Variants in GRIA1 observed in about 807,000 individuals in gnomAD.
The protein encoded by GRIA1 is glutamate receptor 1.
In GRIA1, 31 loss-of-function variants were observed where a neutral mutation model predicts 99.2. That is an observed-to-expected ratio of 0.31 (90% CI 0.23 to 0.42). GRIA1 has a LOEUF of 0.42. Ranked by LOEUF, GRIA1 falls within the 10% of genes least tolerant of loss-of-function variation. The pLI is 1.00. For synonymous variants in GRIA1, 438 were observed against 432.4 expected (o/e 1.01, Z -0.16); for missense variants, 782 against 1,157.5 (o/e 0.68, Z 4.71).
At chr5:153,679,773 T>C (rs913487436) in intron 7 of GRIA1, among the ~76,000 whole-genome samples, 1 of 152,184 alleles carries the variant, frequency 6.6e-6, no homozygotes, top group Admixed American at 6.5e-5. Context: ...TCAGGTCACA[T>C]AGTGGGAGAG....
chr5:153,776,439 C>T (rs546548670), intron 13 of GRIA1, among the ~76,000 whole-genome samples: 1 of 152,244 alleles, frequency 6.6e-6, no homozygotes, highest in African/African-American at 2.4e-5. Context: ...TTGCTGCCAC[C>T]TCAATTTTAC....
chr5:153,697,521 C>T (rs1283331171), intron 8 of GRIA1, among the ~76,000 whole-genome samples: 2 of 152,008 alleles, frequency 1.3e-5, no homozygotes, highest in African/African-American at 2.4e-5. Flanking sequence ...TACTTGGAGA[C>T]AGAAGAAATT....
Position 153,646,999 on chromosome 5 carries a change from A to T in GRIA1, c.292A>T (p.Thr98Ser), listed in dbSNP as rs1450349487. 1 of 1,613,604 alleles carries T rather than the reference A, an allele frequency of 6.2e-7. No individual in the cohort carries two copies. Among genetic ancestry groups the T allele is most frequent in the Non-Finnish European group, 8.5e-7 (1 of 1,179,822 alleles). The stretch of plus-strand genomic sequence containing the variant: ...TGAACGTAGGACTGTCAACATGCTG[A>T]CCTCCTTTTGTGGGGCCCTCCACGT... ...FYERRTVNML[T>S]SFCGALHVCF... Residue 98 changes from threonine to serine, a missense_variant, in exon 3 of 16, where the codon ACC (threonine) becomes TCC (serine). Coordinates refer to ENST00000285900, the MANE Select transcript of GRIA1 (RefSeq NM_000827.4).
chr5:153,592,209 C>T lies in GRIA1; in HGVS notation c.221-54719C>T, dbSNP rs960005972. Among the ~76,000 whole-genome samples the T allele has an allele frequency of 5.3e-5, 8 of 152,352 alleles. 1 individual carries two copies. Among genetic ancestry groups the T allele is most frequent in the Admixed American group, 2.6e-4 (4 of 15,302 alleles). On this transcript the variant is annotated intron_variant, in intron 2 of 15. Transcript: ENST00000285900. ...TTCCTTGAACTGTCCAAGCCATGGC[C>T]TGTTGTTTTTCAGAACTCACAGAAG...
chr5:153,626,801 C>G (rs1301877585), intron 2 of GRIA1, among the ~76,000 whole-genome samples: 3 of 152,032 alleles, frequency 2.0e-5, no homozygotes, highest in Non-Finnish European at 4.4e-5. Context: ...AATGGGAAAG[C>G]AGAAGGGATG....
chr5:153,652,392 C>T (rs1312877918), intron 4 of GRIA1, among the ~76,000 whole-genome samples: 1 of 152,148 alleles, frequency 6.6e-6, no homozygotes, highest in Non-Finnish European at 1.5e-5. Flanking sequence ...CATGCATAAT[C>T]CTACTTCATT....
chr5:153,704,244 C>T (rs980552710), intron 10 of GRIA1, among the ~76,000 whole-genome samples: 3 of 152,262 alleles, frequency 2.0e-5, no homozygotes, highest in African/African-American at 4.8e-5. Context: ...GCATCTGTCA[C>T]CAGCTTCACT....
intron 2 of GRIA1, among the ~76,000 whole-genome samples, chr5:153,593,948 T>C (rs185140190): frequency 1.1e-4 from 17 of 152,356 alleles, no homozygotes; most frequent in Non-Finnish European, 2.4e-4. Context: ...ATATTTGAAA[T>C]AGTTTTTATT....
At chr5:153,634,399 T>C (rs1009803534) in intron 2 of GRIA1, among the ~76,000 whole-genome samples, 2 of 151,496 alleles carry the variant, frequency 1.3e-5, no homozygotes, top group East Asian at 3.9e-4. Flanking sequence ...TAAGCTGAGA[T>C]CTGAAGAATG....
At chr5:153,626,443 T>C (rs1581358090) in intron 2 of GRIA1, among the ~76,000 whole-genome samples, 2 of 118,908 alleles carry the variant, frequency 1.7e-5, no homozygotes, top group South Asian at 6.1e-4. Flanking sequence ...TGTGTGTGTG[T>C]CTGTGTGTGT....
chr5:153,728,332 T>G (rs1363429575), intron 11 of GRIA1, among the ~76,000 whole-genome samples: 1 of 149,692 alleles, frequency 6.7e-6, no homozygotes, highest in Non-Finnish European at 1.5e-5. Flanking sequence ...GGCAAGGACT[T>G]CATGTCTAAA....
At chr5:153,713,850 A>G (rs1225252395) in intron 11 of GRIA1, among the ~76,000 whole-genome samples, 1 of 152,206 alleles carries the variant, frequency 6.6e-6, no homozygotes, top group Non-Finnish European at 1.5e-5. Flanking sequence ...TCATTTATTT[A>G]TTCATTAAGT....
intron 2 of GRIA1, among the ~76,000 whole-genome samples, chr5:153,630,149 T>C (rs532854537): frequency 1.3e-5 from 2 of 152,268 alleles, no homozygotes; most frequent in Admixed American, 6.5e-5. Context: ...GTTACAGAGA[T>C]TAAAAGAATT....
At chr5:153,686,125 T>C (rs1486963503) in intron 7 of GRIA1, 100 bp from the exon 8 acceptor site, 2 of 859,940 alleles carry the variant, frequency 2.3e-6, no homozygotes, top group Non-Finnish European at 4.0e-6. Flanking sequence ...CATCATTCCA[T>C]GGAACACTCT....
intron 2 of GRIA1, among the ~76,000 whole-genome samples, chr5:153,577,908 C>T (rs1212636772): frequency 5.3e-5 from 8 of 151,684 alleles, no homozygotes; most frequent in African/African-American, 1.5e-4. Flanking sequence ...CCCAGCACTT[C>T]GGAAGGCCAA....
At chr5:153,739,276 C>T (rs909329934) in intron 11 of GRIA1, among the ~76,000 whole-genome samples, 3 of 152,104 alleles carry the variant, frequency 2.0e-5, no homozygotes, top group Non-Finnish European at 4.4e-5. Context: ...CTTTCACTCT[C>T]ACTCCTAAGG....
At chr5:153,503,836 T>G (rs2113259473) in intron 2 of GRIA1, among the ~76,000 whole-genome samples, 1 of 152,312 alleles carries the variant, frequency 6.6e-6, no homozygotes, top group South Asian at 2.1e-4. Context: ...CTGGATAGTT[T>G]TAACTTCAGG....
chr5:153,681,776 C>T (rs1756986422), intron 7 of GRIA1, among the ~76,000 whole-genome samples: 1 of 152,078 alleles, frequency 6.6e-6, no homozygotes, highest in Non-Finnish European at 1.5e-5. Context: ...TGGTTCATAC[C>T]TGTAATCCCA....
At chr5:153,677,210 T>C in intron 7 of GRIA1, 49 bp downstream of exon 7, 6 of 1,329,178 alleles carry the variant, frequency 4.5e-6, no homozygotes, top group Non-Finnish European at 5.9e-6. Context: ...ACTGGGGGAT[T>C]TCAGCATCAA....
Sources: gnomAD v4.1 joint callset for allele counts (sites outside exome capture counted in the v4.1 genomes callset) on GRCh38, gnomAD v4.1.1 for gene constraint, MANE v1.5 for transcripts, NCBI Gene and HGNC (gene_info 2026-07-23, HGNC 2026-07-21) for gene names.